FKBP9: variants seen among roughly 807,000 people sequenced by gnomAD.
FKBP9 encodes the protein FKBP prolyl isomerase 9, also known as peptidyl-prolyl cis-trans isomerase FKBP9.
FKBP9 carries 27 observed loss-of-function variants against 55.6 expected under a neutral mutation model. The ratio of observed to expected loss-of-function variants is 0.49; its 90% CI spans 0.36 to 0.67. The LOEUF is 0.67. Among genes scored for constraint, FKBP9 ranks in the 30% least tolerant of loss-of-function variants. The pLI is 0.00. For synonymous variants in FKBP9, 267 were observed against 296.5 expected (o/e 0.90, Z 1.02); for missense variants, 539 against 742.8 (o/e 0.73, Z 3.19).
At chr7:32,968,314 C>T (rs1165257478) in intron 1 of FKBP9, among the ~76,000 whole-genome samples, 35 of 152,242 alleles carry the variant, frequency 2.3e-4, no homozygotes, top group South Asian at 2.1e-4. Context: ...CCACTGCGTC[C>T]GGCCTGATTC....
chr7:32,987,167 ACT>A lies in FKBP9; in HGVS notation c.894-1336_894-1335del, dbSNP rs201910090. 8.4e-3 allele frequency among the ~76,000 whole-genome samples: 1,270 copies of A among 151,738 alleles called. 22 individuals carry two copies. Among genetic ancestry groups the A allele is most frequent in the African/African-American group, 0.029 (1,214 of 41,350 alleles). On this transcript the variant is annotated intron_variant, in intron 5 of 9. Coordinates refer to ENST00000242209, the MANE Select transcript of FKBP9 (RefSeq NM_007270.5). ...TGTGGTGGAGAGTGCGGAATTCATT[ACT>A]CTCAGTGTGTATGCTGCTTTCCTGG... is the stretch of plus-strand genomic sequence containing the variant.
intron 4 of FKBP9, among the ~76,000 whole-genome samples, chr7:32,977,052 TTACC>T (rs1784375952): frequency 6.6e-6 from 1 of 152,254 alleles, no homozygotes; most frequent in South Asian, 2.1e-4. Flanking sequence ...ATGATGAGTT[TTACC>T]TATGGCATTA....
intron 5 of FKBP9, among the ~76,000 whole-genome samples, chr7:32,986,840 C>A (rs1165032848): frequency 6.6e-6 from 1 of 152,214 alleles, no homozygotes; most frequent in Non-Finnish European, 1.5e-5. Flanking sequence ...TCTTTCAGGA[C>A]AGGCTTTCTG....
At chr7:32,996,409 C>A in intron 7 of FKBP9, 60 bp downstream of exon 7, 2 of 1,118,672 alleles carry the variant, frequency 1.8e-6, no homozygotes, top group South Asian at 1.4e-5. Context: ...CATGCTCCCA[C>A]CATCCTCCTC....
chr7:32,974,249 A>G (rs1583848802), intron 1 of FKBP9, among the ~76,000 whole-genome samples: 1 of 152,130 alleles, frequency 6.6e-6, no homozygotes, highest in East Asian at 1.9e-4. Context: ...CCTAACTTCA[A>G]CTTAACTCCT....
At chr7:32,968,547 A>T (rs959115378) in intron 1 of FKBP9, among the ~76,000 whole-genome samples, 2 of 151,628 alleles carry the variant, frequency 1.3e-5, no homozygotes, top group Non-Finnish European at 2.9e-5. Context: ...GTGTGAGGTA[A>T]TATTGCATTG....
At chr7:32,997,980 GCTAA>G (rs1419604353) in intron 7 of FKBP9, among the ~76,000 whole-genome samples, 7 of 152,184 alleles carry the variant, frequency 4.6e-5, no homozygotes, top group South Asian at 2.1e-4. Flanking sequence ...AAGTAAAAAC[GCTAA>G]CTGATGACAT....
rs1211452498 is a variant in FKBP9 at position 33,005,273 on chromosome 7, G to A, written c.1635G>A (p.Gln545=). 3 of 1,614,072 alleles carry A rather than the reference G, an allele frequency of 1.9e-6. No individual in the cohort carries two copies. The highest frequency in any genetic ancestry group is 2.5e-6 in the Non-Finnish European group (3 of 1,180,036). The change falls in exon 10 of 10, where the codon CAG becomes CAA. Residue 545 remains glutamine (Q), a synonymous_variant. Transcript: ENST00000242209. The stretch of plus-strand genomic sequence containing the variant: ...TTGTGAAGAATATGTTCACCAACCA[G>A]GACCGGAATGGAGATGGGAAGGTCA... ...ELIVKNMFTN[Q]DRNGDGKVTA... is the part of the protein sequence containing the mutation.
rs570928343 is a variant in FKBP9 at position 32,979,541 on chromosome 7, G to T, written c.704-823G>T. ...GCTCAGGCTTGGCGGCATCTGGTTT[G>T]CTTGTCTGGGCCTACTCCTTTGCAT... is the stretch of plus-strand genomic sequence containing the variant. On this transcript the variant is annotated intron_variant, in intron 4 of 9. Transcript: ENST00000242209. The T allele has an allele frequency of 6.7e-5, 104 of 1,550,586 alleles. No homozygotes were observed. In the South Asian group the frequency reaches 1.2e-3, roughly 18 times the overall value.
At chr7:33,004,216 C>T (rs1435318470) in intron 9 of FKBP9, among the ~76,000 whole-genome samples, 3 of 152,076 alleles carry the variant, frequency 2.0e-5, no homozygotes, top group African/African-American at 7.2e-5. Flanking sequence ...TCATCTCTTT[C>T]CCGGGTCACA....
At chr7:32,983,585 GA>G (rs1177797410) in intron 5 of FKBP9, among the ~76,000 whole-genome samples, 1 of 152,260 alleles carries the variant, frequency 6.6e-6, no homozygotes, top group African/African-American at 2.4e-5. Context: ...AAAGTGCTGG[GA>G]TTACAGGTAT....
intron 9 of FKBP9, 78 bp downstream of exon 9, chr7:33,002,917 G>C: frequency 6.7e-7 from 1 of 1,487,378 alleles, no homozygotes; most frequent in Non-Finnish European, 9.2e-7. Context: ...CGGTTCTGAA[G>C]GTAAGGACTT....
chr7:32,992,020 A>C (rs1467598044), intron 6 of FKBP9, among the ~76,000 whole-genome samples: 2 of 152,160 alleles, frequency 1.3e-5, no homozygotes, highest in East Asian at 3.9e-4. Context: ...CCATGTGTCC[A>C]AGGCCACAAT....
chr7:32,958,595 G>C (rs1186336454), intron 1 of FKBP9, among the ~76,000 whole-genome samples: 1 of 152,154 alleles, frequency 6.6e-6, no homozygotes, highest in African/African-American at 2.4e-5. Flanking sequence ...CAGGAGTTTG[G>C]GGCTGCTGTG....
chr7:33,002,467 C>T (rs564090063), intron 8 of FKBP9, among the ~76,000 whole-genome samples: 4 of 152,156 alleles, frequency 2.6e-5, no homozygotes, highest in African/African-American at 9.7e-5. Context: ...AATAACTAAA[C>T]GCTGGTCACC....
At position 33,002,791 on chromosome 7, in the gene FKBP9, C is replaced by A. The variant is rs2953607; in HGVS notation, c.1488C>A (p.Leu496=). Reference sequence around the variant, plus strand: ...GGAATGGTGAGGTGTCACCCAACCTCTTTGAAGAAATTGACAAGGATGGCA... The same window carrying A: ...GGAATGGTGAGGTGTCACCCAACCTATTTGAAGAAATTGACAAGGATGGCA... ...FIWNGEVSPN[L]FEEIDKDGNG... The change falls in exon 9 of 10, where the codon CTC becomes CTA. Residue 496 remains leucine, a synonymous_variant. Coordinates refer to ENST00000242209, the MANE Select transcript of FKBP9 (RefSeq NM_007270.5). 1.9e-6 allele frequency: 3 copies of A among 1,614,070 alleles called. No individual in the cohort carries two copies. The highest frequency in any genetic ancestry group is 2.7e-5 in the African/African-American group (2 of 74,934).
intron 1 of FKBP9, among the ~76,000 whole-genome samples, chr7:32,966,443 T>G (rs1362314069): frequency 1.3e-5 from 2 of 152,178 alleles, no homozygotes; most frequent in Non-Finnish European, 2.9e-5. Context: ...GGGTGTTGGA[T>G]GTGCTAGGTG....
intron 1 of FKBP9, among the ~76,000 whole-genome samples, chr7:32,973,203 G>A (rs1389467034): frequency 1.3e-5 from 2 of 152,152 alleles, no homozygotes; most frequent in African/African-American, 2.4e-5. Flanking sequence ...AAAGCACCTG[G>A]CACAGTCCCC....
chr7:32,996,079 G>C (rs528922390), intron 6 of FKBP9, 84 bp from the exon 7 acceptor site: 1 of 1,298,288 alleles, frequency 7.7e-7, no homozygotes. Flanking sequence ...GGAGGGCCTT[G>C]AGGACATACC....
Sources: allele counts gnomAD v4.1 joint callset (sites outside exome capture counted in the v4.1 genomes callset), GRCh38; gene constraint gnomAD v4.1.1; transcripts MANE v1.5; gene names NCBI Gene and HGNC (gene_info 2026-07-23, HGNC 2026-07-21).